Variants in VPS41 observed in about 807,000 individuals in gnomAD.
VPS41 encodes the protein VPS41 subunit of HOPS complex.
A neutral mutation model predicts 130.9 loss-of-function variants in VPS41; 85 were observed. The ratio of observed to expected loss-of-function variants is 0.65; its 90% confidence interval spans 0.55 to 0.78. VPS41 has a LOEUF of 0.78. VPS41 is among the 30% of genes least tolerant of loss of function. The pLI is 0.00. For missense variants in VPS41, 874 were observed against 1,018.7 expected, an observed-to-expected ratio of 0.86 and a Z score of 1.93; for synonymous variants, 335 against 332.9, an observed-to-expected ratio of 1.01 and a Z score of -0.07.
intron 7 of VPS41, among the ~76,000 whole-genome samples, chr7:38,798,753 G>T (rs2115999455): frequency 6.6e-6 from 1 of 152,292 alleles, no homozygotes; most frequent in Middle Eastern, 3.4e-3. Flanking sequence ...GAGAACAGCA[G>T]GGTGGGACAC....
At chr7:38,821,180 A>G (rs758180549) in intron 6 of VPS41, 23 bp downstream of exon 6, 1 of 1,601,512 alleles carries the variant, frequency 6.2e-7, no homozygotes, top group South Asian at 1.1e-5. Flanking sequence ...CCTTAGAAAA[A>G]GTAAAACTTG....
chr7:38,889,166 A>T (rs980517675), intron 2 of VPS41, among the ~76,000 whole-genome samples: 1 of 149,668 alleles, frequency 6.7e-6, no homozygotes, highest in Non-Finnish European at 1.5e-5. Context: ...AAGGGCCAAC[A>T]TTCATGTTAT....
chr7:38,767,417 AC>A, intron 15 of VPS41, 119 bp downstream of exon 15: 1 of 499,366 alleles, frequency 2.0e-6, no homozygotes, highest in Non-Finnish European at 3.4e-6. Context: ...TTCAAAAATT[AC>A]CCTCGTTAGA....
At chr7:38,808,453 A>C (rs1339941416) in intron 7 of VPS41, among the ~76,000 whole-genome samples, 3 of 152,198 alleles carry the variant, frequency 2.0e-5, no homozygotes, top group African/African-American at 7.2e-5. Context: ...GACAGCATGA[A>C]ATACATTTCT....
intron 5 of VPS41, among the ~76,000 whole-genome samples, chr7:38,824,267 G>C (rs965513493): frequency 1.3e-5 from 2 of 152,106 alleles, no homozygotes; most frequent in African/African-American, 4.8e-5. Context: ...TACCTTAGTG[G>C]TTCTCAAACA....
chr7:38,740,576 T>A (rs571959387), intron 25 of VPS41, among the ~76,000 whole-genome samples: 2 of 152,192 alleles, frequency 1.3e-5, no homozygotes, highest in Admixed American at 1.3e-4. Context: ...TGGAAATATA[T>A]GCCTATATAT....
At chr7:38,748,580 T>C (rs1796033352) in intron 22 of VPS41, among the ~76,000 whole-genome samples, 1 of 150,844 alleles carries the variant, frequency 6.6e-6, no homozygotes, top group Non-Finnish European at 1.5e-5. Flanking sequence ...AATTCCGGTA[T>C]AAATCTGCTG....
chr7:38,850,399 G>T (rs1320780943), intron 4 of VPS41, among the ~76,000 whole-genome samples: 3 of 152,132 alleles, frequency 2.0e-5, no homozygotes, highest in Non-Finnish European at 4.4e-5. Flanking sequence ...TTTCCTTATG[G>T]ATCTGTAAGA....
chr7:38,811,661 T>TAG (rs1461810445), intron 7 of VPS41, among the ~76,000 whole-genome samples: 1 of 151,526 alleles, frequency 6.6e-6, no homozygotes, highest in Non-Finnish European at 1.5e-5. Context: ...CTCATTCATA[T>TAG]ATATATATAT....
intron 5 of VPS41, among the ~76,000 whole-genome samples, chr7:38,827,526 G>T (rs1244371723): frequency 6.6e-6 from 1 of 152,142 alleles, no homozygotes; most frequent in Non-Finnish European, 1.5e-5. Context: ...TGAATGGTTA[G>T]CAATAAAAAC....
Position 38,847,959 on chromosome 7 carries a change from A to G in VPS41, c.246+14586T>C, listed in dbSNP as rs139064772. 1.1e-3 allele frequency among the ~76,000 whole-genome samples: 171 copies of G among 152,358 alleles called. 2 individuals carry two copies. Among genetic ancestry groups the G allele is most frequent in the African/African-American group, 4.0e-3 (166 of 41,576 alleles). ...TAATTTAAATAACTGAGACCAAGTT[A>G]TTAACCAAAGAGAAAATGCCTAATT... On this transcript the variant is annotated intron_variant, in intron 4 of 28. Transcript: ENST00000310301.
chr7:38,859,655 C>T (rs1248301110), intron 4 of VPS41, among the ~76,000 whole-genome samples: 1 of 152,110 alleles, frequency 6.6e-6, no homozygotes, highest in African/African-American at 2.4e-5. Context: ...GTAGGCTGTA[C>T]CACCTAGGTC....
intron 7 of VPS41, among the ~76,000 whole-genome samples, chr7:38,798,215 G>A (rs112895830): frequency 7.9e-5 from 12 of 152,132 alleles, no homozygotes; most frequent in African/African-American, 2.9e-4. Context: ...GTAGGAAAGG[G>A]GGAGAAAGGC....
At chr7:38,886,315 C>T (rs751670087) in intron 2 of VPS41, among the ~76,000 whole-genome samples, 11 of 152,212 alleles carry the variant, frequency 7.2e-5, no homozygotes, top group South Asian at 4.1e-4. Context: ...GCTTTTCCCA[C>T]GGTCTTTGCA....
intron 25 of VPS41, among the ~76,000 whole-genome samples, chr7:38,737,221 A>C (rs1451944443): frequency 6.6e-6 from 1 of 152,108 alleles, no homozygotes; most frequent in Non-Finnish European, 1.5e-5. Context: ...AAAATACAAA[A>C]ATTAGCTGGG....
intron 2 of VPS41, among the ~76,000 whole-genome samples, chr7:38,895,926 GGTCTCAGCT>G (rs555962847): frequency 3.4e-4 from 51 of 152,184 alleles, no homozygotes; most frequent in Non-Finnish European, 6.2e-4. Flanking sequence ...GCCTCGGCTG[GGTCTCAGCT>G]GTACTCTCTT....
At chr7:38,839,270 C>T (rs1206240605) in intron 4 of VPS41, among the ~76,000 whole-genome samples, 1 of 152,168 alleles carries the variant, frequency 6.6e-6, no homozygotes, top group Admixed American at 6.5e-5. Context: ...ACTGATGATA[C>T]ACCCAGGAGG....
intron 2 of VPS41, among the ~76,000 whole-genome samples, chr7:38,871,171 A>G (rs1490980484): frequency 3.9e-5 from 6 of 152,358 alleles, no homozygotes. Flanking sequence ...AAGCTCTGCA[A>G]TAAGCAGGAT....
At chr7:38,863,431 T>C (rs934342011) in intron 3 of VPS41, among the ~76,000 whole-genome samples, 1 of 152,172 alleles carries the variant, frequency 6.6e-6, no homozygotes, top group African/African-American at 2.4e-5. Context: ...TTGCAACCCA[T>C]AATGAAACGC....
Sources: allele counts gnomAD v4.1 joint callset (sites outside exome capture counted in the v4.1 genomes callset), GRCh38; gene constraint gnomAD v4.1.1; transcripts MANE v1.5; gene names NCBI Gene and HGNC (gene_info 2026-07-23, HGNC 2026-07-21).